Variants in RNF220 observed in about 807,000 individuals in gnomAD.
RNF220 encodes the protein ring finger protein 220, also known as E3 ubiquitin-protein ligase RNF220.
In RNF220, 7 loss-of-function variants were observed where a neutral mutation model predicts 67.1. The observed-to-expected ratio is 0.10, with a 90% CI of 0.06 to 0.20. RNF220 has a LOEUF of 0.20. Ranked by LOEUF, RNF220 falls within the 10% of genes least tolerant of loss-of-function variation. RNF220 has a pLI of 1.00. For synonymous variants in RNF220, 270 were observed against 283.2 expected (o/e 0.95, Z 0.47); for missense variants, 565 against 740.3 (o/e 0.76, Z 2.75).
chr1:44,478,269 A>T (rs1655466997), intron 2 of RNF220, among the ~76,000 whole-genome samples: 1 of 151,982 alleles, frequency 6.6e-6, no homozygotes, highest in Admixed American at 6.6e-5. Flanking sequence ...TTTTACTCAA[A>T]TCATGGTACT....
chr1:44,527,329 C>G (rs1660453893), intron 2 of RNF220, among the ~76,000 whole-genome samples: 1 of 151,966 alleles, frequency 6.6e-6, no homozygotes, highest in Non-Finnish European at 1.5e-5. Context: ...TTCCCTTTTT[C>G]TTTCCCCGTT....
chr1:44,462,353 C>T (rs1019017055), intron 2 of RNF220, among the ~76,000 whole-genome samples: 2 of 152,098 alleles, frequency 1.3e-5, no homozygotes, highest in African/African-American at 2.4e-5. Context: ...GAAGTATATA[C>T]ACATCTCCAA....
chr1:44,574,764 G>A (rs989573142), intron 2 of RNF220, among the ~76,000 whole-genome samples: 3 of 152,220 alleles, frequency 2.0e-5, no homozygotes, highest in Non-Finnish European at 4.4e-5. Flanking sequence ...CCAGCCCGGG[G>A]TGGGGTGATT....
At chr1:44,497,209 C>A (rs12118877) in intron 2 of RNF220, among the ~76,000 whole-genome samples, 6,469 of 152,212 alleles carry the variant, frequency 0.042, 153 homozygotes, top group South Asian at 0.063. Context: ...ACAATGCCAT[C>A]ATGACAGACA....
chr1:44,442,534 G>A (rs1017412500), intron 2 of RNF220, among the ~76,000 whole-genome samples: 1 of 96,410 alleles, frequency 1.0e-5, no homozygotes, highest in Non-Finnish European at 2.0e-5. Flanking sequence ...TTTTTTTTGA[G>A]ACAGGGTCTC....
chr1:44,583,019 A>C (rs1665425154), intron 2 of RNF220, among the ~76,000 whole-genome samples: 1 of 152,104 alleles, frequency 6.6e-6, no homozygotes, highest in Admixed American at 6.5e-5. Flanking sequence ...AAAAAGAAGA[A>C]GAAGAAGGGA....
rs142253878 is a variant in RNF220 at position 44,477,170 on chromosome 1, A to C, written c.625+64448A>C. ...ATGAAGTTCATTCACTCACTTAAAA[A>C]ATTCTTTCATTCAGTAAATATTTAC... On this transcript the variant is annotated intron_variant, in intron 2 of 14. Coordinates refer to ENST00000361799, the MANE Select transcript of RNF220 (RefSeq NM_018150.4). 4.7e-3 allele frequency among the ~76,000 whole-genome samples: 722 copies of C among 152,360 alleles called. 8 individuals carry two copies. Among genetic ancestry groups the C allele is most frequent in the African/African-American group, 0.016 (682 of 41,584 alleles).
chr1:44,410,575 C>T (rs1428675201), intron 1 of RNF220: 1 of 152,220 alleles, frequency 6.6e-6, no homozygotes, highest in Non-Finnish European at 1.5e-5. Flanking sequence ...ATTGACATGT[C>T]TGCTACAGGA....
chr1:44,412,699 G>C lies in RNF220; in HGVS notation c.602G>C (p.Ser201Thr). 1 of 1,614,084 alleles carries C rather than the reference G, an allele frequency of 6.2e-7. No homozygotes were observed. Among genetic ancestry groups the C allele is most frequent in the African/African-American group, 1.3e-5 (1 of 75,034 alleles). Residue 201 changes from serine (S) to threonine (T), a missense_variant, in exon 2 of 15, where the codon AGC (serine) becomes ACC (threonine). Coordinates refer to ENST00000361799, the MANE Select transcript of RNF220 (RefSeq NM_018150.4). This position sits in a 1 kb window ranked among gnomAD's most constrained non-coding sequence, Gnocchi z 5.3. ...ATTTCTGATCGGGAAGCCTCATCTAGCCCAGAGGATCGGAATGACAGATGT... is the reference window on the plus strand; with the variant it reads ...ATTTCTGATCGGGAAGCCTCATCTACCCCAGAGGATCGGAATGACAGATGT... ...GLISDREASSSPEDRNDRCKK... is the reference protein window; with the variant it reads ...GLISDREASSTPEDRNDRCKK...
chr1:44,634,347 G>C (rs1336531818), intron 6 of RNF220, among the ~76,000 whole-genome samples: 1 of 152,220 alleles, frequency 6.6e-6, no homozygotes, highest in Non-Finnish European at 1.5e-5. Flanking sequence ...TGTTAAAATG[G>C]GATAATGCAA....
intron 2 of RNF220, among the ~76,000 whole-genome samples, chr1:44,470,866 C>G (rs1279976220): frequency 6.6e-6 from 1 of 152,184 alleles, no homozygotes; most frequent in Admixed American, 6.5e-5. Context: ...GATTTCCTCT[C>G]TATCGTGGCC....
intron 2 of RNF220, among the ~76,000 whole-genome samples, chr1:44,501,775 G>C (rs1451403440): frequency 3.3e-5 from 5 of 152,054 alleles, no homozygotes; most frequent in African/African-American, 9.7e-5. Flanking sequence ...CAGGAGAGGG[G>C]GGCTGGGTGG....
At chr1:44,434,883 C>T (rs186214539) in intron 2 of RNF220, among the ~76,000 whole-genome samples, 3 of 151,724 alleles carry the variant, frequency 2.0e-5, no homozygotes, top group East Asian at 1.9e-4. Flanking sequence ...AAAAATTAGC[C>T]GGATGTGGTA....
intron 5 of RNF220, among the ~76,000 whole-genome samples, chr1:44,630,164 C>G (rs1196817150): frequency 6.6e-6 from 1 of 152,204 alleles, no homozygotes; most frequent in African/African-American, 2.4e-5. Context: ...TCTTGAACTC[C>G]TGGGCTCAAG....
intron 2 of RNF220, among the ~76,000 whole-genome samples, chr1:44,539,724 A>G (rs902799662): frequency 6.6e-6 from 1 of 152,172 alleles, no homozygotes; most frequent in African/African-American, 2.4e-5. Flanking sequence ...TCTGAATCCA[A>G]TACCTTATCA....
At chr1:44,578,984 C>A (rs1465702134) in intron 2 of RNF220, among the ~76,000 whole-genome samples, 1 of 151,642 alleles carries the variant, frequency 6.6e-6, no homozygotes, top group African/African-American at 2.4e-5. Context: ...GCTAATACAG[C>A]GAAACCCCAA....
At chr1:44,555,798 CT>C (rs1663036352) in intron 2 of RNF220, among the ~76,000 whole-genome samples, 2 of 150,464 alleles carry the variant, frequency 1.3e-5, no homozygotes, top group Non-Finnish European at 2.9e-5. Context: ...TTATTTTTAC[CT>C]CTGTGACTGG....
At chr1:44,610,192 A>C (rs1350543633) in intron 2 of RNF220, among the ~76,000 whole-genome samples, 3 of 152,238 alleles carry the variant, frequency 2.0e-5, no homozygotes, top group Non-Finnish European at 4.4e-5. Context: ...ACGCACTCAC[A>C]CACTCAATCA....
rs1048161850 is a variant in RNF220, at chr1:44,645,750, G to A, written c.1445+262G>A. Among the ~76,000 whole-genome samples, 4 of 152,236 alleles carry A rather than the reference G, an allele frequency of 2.6e-5. No homozygotes were observed. Among genetic ancestry groups the A allele is most frequent in the Admixed American group, 6.5e-5 (1 of 15,292 alleles). ...GCCTGCCTGCCTGCCCGCCTGCTGC[G>A]GCGGCCTTCGCCCGGGGAATGTGAT... On this transcript the variant is annotated intron_variant, in intron 12 of 14. Transcript: ENST00000361799. The surrounding 1 kb of genome is among the most constrained non-coding windows in gnomAD (Gnocchi z 5.0).
Sources: allele counts gnomAD v4.1 joint callset (sites outside exome capture counted in the v4.1 genomes callset), GRCh38; gene constraint gnomAD v4.1.1; non-coding constraint Gnocchi (gnomAD v3.1); transcripts MANE v1.5; gene names NCBI Gene and HGNC (gene_info 2026-07-23, HGNC 2026-07-21).